Variants in DOCK8 observed in about 807,000 individuals in gnomAD.
DOCK8 encodes the protein dedicator of cytokinesis protein 8.
In DOCK8, 141 loss-of-function variants were observed where a neutral mutation model predicts 245.6. That is an observed-to-expected ratio of 0.57 (90% CI 0.50 to 0.66). DOCK8 has a LOEUF of 0.66. Ranked by LOEUF, DOCK8 falls within the 30% of genes least tolerant of loss-of-function variation. DOCK8 has a pLI of 0.00. For missense variants in DOCK8, 2,965 were observed against 2,603.4 expected (o/e 1.14, Z -3.02); for synonymous variants, 1,168 against 970.2 (o/e 1.20, Z -3.79).
chr9:451,355 G>A (rs2057429671), intron 45 of DOCK8, among the ~76,000 whole-genome samples: 1 of 151,912 alleles, frequency 6.6e-6, no homozygotes, highest in Non-Finnish European at 1.5e-5. Context: ...TGTGTATGGT[G>A]CGCACGCCTG....
intron 1 of DOCK8, among the ~76,000 whole-genome samples, chr9:229,350 C>T (rs918593169): frequency 6.6e-6 from 1 of 152,158 alleles, no homozygotes; most frequent in African/African-American, 2.4e-5. Flanking sequence ...CCAAGTGAGT[C>T]ATGCTTTGTG....
At chr9:256,362 C>T (rs551664192) in intron 1 of DOCK8, among the ~76,000 whole-genome samples, 19 of 152,166 alleles carry the variant, frequency 1.2e-4, no homozygotes, top group Non-Finnish European at 2.6e-4. Context: ...AGACTTGGTT[C>T]TTAGGTCGGA....
intron 10 of DOCK8, among the ~76,000 whole-genome samples, chr9:333,416 A>T (rs57410286): frequency 6.6e-6 from 1 of 152,088 alleles, no homozygotes; most frequent in Non-Finnish European, 1.5e-5. Flanking sequence ...CCTGGCCAAC[A>T]CGGTGAAACC....
At chr9:319,560 A>G (rs776235816) in intron 7 of DOCK8, among the ~76,000 whole-genome samples, 29 of 152,346 alleles carry the variant, frequency 1.9e-4, no homozygotes, top group Admixed American at 5.9e-4. Flanking sequence ...AGAATGTGAC[A>G]GTATGAATAG....
intron 1 of DOCK8, among the ~76,000 whole-genome samples, chr9:218,588 T>C (rs1392152118): frequency 6.6e-6 from 1 of 152,210 alleles, no homozygotes; most frequent in African/African-American, 2.4e-5. Context: ...GTCTTGTTAA[T>C]TGCCTTTTTT....
chr9:406,900 C>G, intron 27 of DOCK8, 30 bp from the exon 28 acceptor site: 4 of 1,613,944 alleles, frequency 2.5e-6, no homozygotes, highest in Non-Finnish European at 2.5e-6. Flanking sequence ...GTTCTTGTGG[C>G]TCATAAAATG....
At chr9:461,437 G>C (rs972925713) in intron 46 of DOCK8, among the ~76,000 whole-genome samples, 2 of 150,440 alleles carry the variant, frequency 1.3e-5, no homozygotes, top group African/African-American at 4.9e-5. Context: ...GATTTCCTTG[G>C]ATCTGTCATA....
chr9:382,188 C>T (rs2053746684), intron 21 of DOCK8, among the ~76,000 whole-genome samples: 1 of 152,172 alleles, frequency 6.6e-6, no homozygotes, highest in Non-Finnish European at 1.5e-5. Flanking sequence ...TTTAGCTTCT[C>T]ATGAGAAATC....
intron 15 of DOCK8, chr9:368,800 A>C (rs536614038): frequency 2.0e-5 from 3 of 147,914 alleles, no homozygotes; most frequent in African/African-American, 7.5e-5. Context: ...TTCAGTTAAT[A>C]TAACTTTCTT....
At position 441,400 on chromosome 9, in the gene DOCK8, G is replaced by A. The variant is rs2057090137; in HGVS notation, c.5338G>A (p.Asp1780Asn). The A allele has an allele frequency of 1.9e-6, 3 of 1,614,158 alleles. No homozygotes were observed. The highest frequency in any genetic ancestry group is 2.5e-6 in the Non-Finnish European group (3 of 1,180,036). The change falls in exon 41 of 48, where the codon GAC (aspartate) becomes AAC (asparagine). Residue 1780 changes from aspartate (D) to asparagine (N), a missense_variant. Coordinates refer to ENST00000432829, the MANE Select transcript of DOCK8 (RefSeq NM_203447.4). Reference sequence around the variant, plus strand: ...TCACAGCAAGCTGCAGAGAGCCTTCGACAGCATCGTTAACAAGGTAGCCGG... The same window carrying A: ...TCACAGCAAGCTGCAGAGAGCCTTCAACAGCATCGTTAACAAGGTAGCCGG... ...LTHSKLQRAF[D>N]SIVNKDHKRM...
At chr9:222,839 T>C (rs1450406154) in intron 1 of DOCK8, among the ~76,000 whole-genome samples, 1 of 152,230 alleles carries the variant, frequency 6.6e-6, no homozygotes, top group Non-Finnish European at 1.5e-5. Flanking sequence ...GACTTTAAAC[T>C]GTGCTTTTTA....
Position 403,981 on chromosome 9 carries a change from T to C in DOCK8, c.3235-937T>C, listed in dbSNP as rs1230798611. ...ATATGTATATATATATATATGTGTA[T>C]ATATATATATGTGTATATATATATA... On this transcript the variant is annotated intron_variant, in intron 26 of 47. Coordinates refer to ENST00000432829, the MANE Select transcript of DOCK8 (RefSeq NM_203447.4). Among the ~76,000 whole-genome samples the C allele has an allele frequency of 1.2e-3, 111 of 91,876 alleles. 3 individuals are homozygous for C. The highest frequency in any genetic ancestry group is 5.8e-3 in the African/African-American group (104 of 17,778). 60.3% of individuals were successfully genotyped at this position (91,876 alleles called of 152,430 possible). A position where few individuals can be genotyped will look rare whatever the true frequency, so the allele number is the denominator to read the frequency against.
chr9:393,706 C>A (rs1038953897), intron 24 of DOCK8, among the ~76,000 whole-genome samples: 1 of 152,200 alleles, frequency 6.6e-6, no homozygotes, highest in Non-Finnish European at 1.5e-5. Context: ...AAGAAAGCCC[C>A]TGCTGATCTA....
At chr9:213,571 G>T (rs1257707242), upstream of DOCK8, 4 of 152,030 alleles carry the variant, frequency 2.6e-5, no homozygotes, top group African/African-American at 9.7e-5. Context: ...CATTTTACAC[G>T]ATGTTTTCTG....
At chr9:438,435 C>T (rs2056976444) in intron 39 of DOCK8, among the ~76,000 whole-genome samples, 1 of 152,216 alleles carries the variant, frequency 6.6e-6, no homozygotes, top group Non-Finnish European at 1.5e-5. Context: ...TTTTCATATG[C>T]ATTTCTTCCA....
intron 31 of DOCK8, 32 bp downstream of exon 31, chr9:420,615 C>G (rs2056238018): frequency 2.5e-6 from 4 of 1,611,750 alleles, no homozygotes; most frequent in South Asian, 1.1e-5. Flanking sequence ...TTTATACCAG[C>G]TCTTATCTCT....
Position 432,268 on chromosome 9 carries a change from A to T in DOCK8, c.4729A>T (p.Ile1577Phe), listed in dbSNP as rs1052857345. 1.2e-6 allele frequency: 2 copies of T among 1,613,966 alleles called. No homozygotes were observed. The highest frequency in any genetic ancestry group is 1.7e-6 in the Non-Finnish European group (2 of 1,180,000). Residue 1577 changes from isoleucine (I) to phenylalanine (F), a missense_variant, in exon 37 of 48, where the codon ATT (isoleucine) becomes TTT (phenylalanine). By Grantham distance (21) the Ile-to-Phe change is conservative (BLOSUM62 0). Transcript: ENST00000432829. ...GCACCTGAGAAGATCCTTGAGGACA[A>T]TTTTGGCCTATTCAGAAGAGGACAC... ...EEHLRRSLRT[I>F]LAYSEEDTAM... is the part of the protein sequence containing the mutation.
intron 39 of DOCK8, among the ~76,000 whole-genome samples, chr9:438,225 G>C (rs1040205333): frequency 2.6e-5 from 4 of 152,224 alleles, no homozygotes; most frequent in African/African-American, 9.6e-5. Flanking sequence ...ACAGCTTTTA[G>C]TTCACAAGCC....
rs750934917 is a variant in DOCK8, at chr9:370,237, T to C, written c.1805T>C (p.Phe602Ser). 3 of 1,613,962 alleles carry C rather than the reference T, an allele frequency of 1.9e-6. No individual in the cohort carries two copies. Among genetic ancestry groups the C allele is most frequent in the Non-Finnish European group, 2.5e-6 (3 of 1,179,770 alleles). Reference protein sequence around the residue: ...EDASNAMPVIFGKSSGPEFLQ... With the variant: ...EDASNAMPVISGKSSGPEFLQ... Reference sequence around the variant, plus strand: ...TTCTCTACTGGTGAACAGGTCATCTTTGGAAAATCCAGCGGGCCTGAATTT... The same window carrying C: ...TTCTCTACTGGTGAACAGGTCATCTCTGGAAAATCCAGCGGGCCTGAATTT... The change falls in exon 16 of 48, where the codon TTT (phenylalanine) becomes TCT (serine). Residue 602 changes from phenylalanine (F) to serine (S), a missense_variant. Phe to Ser is a radical substitution (Grantham distance 155). Transcript: ENST00000432829.
Sources: allele counts gnomAD v4.1 joint callset (sites outside exome capture counted in the v4.1 genomes callset), GRCh38; gene constraint gnomAD v4.1.1; transcripts MANE v1.5; gene names NCBI Gene and HGNC (gene_info 2026-07-23, HGNC 2026-07-21).